DOK6: variants seen among roughly 807,000 people sequenced by gnomAD.
DOK6 encodes the protein downstream of tyrosine kinase 6.
DOK6 carries 22 observed loss-of-function variants against 44.0 expected under a neutral mutation model. That is an observed-to-expected ratio of 0.50 (90% CI 0.36 to 0.71). The LOEUF (loss-of-function observed/expected upper bound fraction) is 0.71. DOK6 is among the 30% of genes least tolerant of loss of function. The probability of loss-of-function intolerance (pLI) is 0.00; values close to 1 mark genes in which losing one functional copy is unlikely to be tolerated. For synonymous variants in DOK6, 166 were observed against 145.5 expected (o/e 1.14, Z -1.01); for missense variants, 340 against 416.4 (o/e 0.82, Z 1.60).
chr18:69,665,297 G>T (rs1985627689), intron 3 of DOK6, among the ~76,000 whole-genome samples: 1 of 152,170 alleles, frequency 6.6e-6, no homozygotes, highest in South Asian at 2.1e-4. Flanking sequence ...AGCCAGTCCA[G>T]ATGTGACTCT....
At chr18:69,697,375 A>C (rs138274498) in intron 4 of DOK6, among the ~76,000 whole-genome samples, 3 of 152,262 alleles carry the variant, frequency 2.0e-5, no homozygotes, top group African/African-American at 7.2e-5. Flanking sequence ...ATTAAATCCT[A>C]ACCCACAGAG....
intron 6 of DOK6, among the ~76,000 whole-genome samples, chr18:69,751,508 G>A (rs1979177271): frequency 6.6e-6 from 1 of 152,070 alleles, no homozygotes; most frequent in South Asian, 2.1e-4. Context: ...ATATAGAGCA[G>A]GAAATGCAGA....
intron 1 of DOK6, among the ~76,000 whole-genome samples, chr18:69,518,461 C>T (rs909608429): frequency 6.6e-6 from 1 of 152,050 alleles, no homozygotes; most frequent in African/African-American, 2.4e-5. Flanking sequence ...TAAGGAAATA[C>T]CTTGGTTACT....
At chr18:69,755,395 G>A (rs1465385910) in intron 6 of DOK6, among the ~76,000 whole-genome samples, 3 of 152,280 alleles carry the variant, frequency 2.0e-5, no homozygotes, top group South Asian at 2.1e-4. Context: ...TCTACTGTAT[G>A]CTGAGTAATA....
chr18:69,784,982 G>A (rs1980387127), intron 7 of DOK6, among the ~76,000 whole-genome samples: 1 of 152,152 alleles, frequency 6.6e-6, no homozygotes, highest in Non-Finnish European at 1.5e-5. Flanking sequence ...CAACACTTTA[G>A]ACTGAGAAGC....
chr18:69,476,446 TTGGAAGG>T lies in DOK6; in HGVS notation c.66+75137_66+75143del, dbSNP rs1286003981. Among the ~76,000 whole-genome samples, 256 of 152,320 alleles carry T rather than the reference TTGGAAGG, an allele frequency of 1.7e-3. 2 individuals are homozygous for T. Among genetic ancestry groups the T allele is most frequent in the East Asian group, 0.012 (64 of 5,184 alleles). On this transcript the variant is annotated intron_variant, in intron 1 of 7. Coordinates refer to ENST00000382713, the MANE Select transcript of DOK6 (RefSeq NM_152721.6). The stretch of plus-strand genomic sequence containing the variant: ...AGCGGAAGAGAAATCAGAGGGATTC[TTGGAAGG>T]CACGGGTAATCGTCACTTGATCAGT...
chr18:69,790,943 C>A (rs1214002472), intron 7 of DOK6, among the ~76,000 whole-genome samples: 1 of 133,986 alleles, frequency 7.5e-6, no homozygotes, highest in Non-Finnish European at 1.6e-5. Flanking sequence ...CCCTTCCCAT[C>A]CTCTAGTAAC....
intron 7 of DOK6, among the ~76,000 whole-genome samples, chr18:69,800,991 A>C (rs1178462514): frequency 6.6e-6 from 1 of 152,178 alleles, no homozygotes; most frequent in Non-Finnish European, 1.5e-5. Flanking sequence ...GGATAAAATG[A>C]ATTTTTTTAT....
chr18:69,784,639 A>G (rs1009881094), intron 7 of DOK6, among the ~76,000 whole-genome samples: 1 of 152,118 alleles, frequency 6.6e-6, no homozygotes, highest in Non-Finnish European at 1.5e-5. Flanking sequence ...CATCCAAAAA[A>G]ATTCATTAGT....
chr18:69,471,779 G>C (rs1279177537), intron 1 of DOK6: 4 of 152,114 alleles, frequency 2.6e-5, no homozygotes, highest in African/African-American at 2.4e-5. Context: ...ACTGTCACTT[G>C]CTCTATTCAA....
intron 1 of DOK6, among the ~76,000 whole-genome samples, chr18:69,447,643 T>C (rs2119959): frequency 0.5 from 75,414 of 151,920 alleles, 19,670 homozygotes; most frequent in East Asian, 0.72. Context: ...CTTCAGTGCT[T>C]AGCCAGGCCA....
At chr18:69,553,743 T>A (rs1033193872) in intron 1 of DOK6, among the ~76,000 whole-genome samples, 4 of 152,190 alleles carry the variant, frequency 2.6e-5, no homozygotes, top group Non-Finnish European at 4.4e-5. Flanking sequence ...CAGACTCCAA[T>A]TGAAAATCCA....
chr18:69,571,643 T>C (rs1215573669), intron 2 of DOK6, among the ~76,000 whole-genome samples: 1 of 152,036 alleles, frequency 6.6e-6, no homozygotes, highest in Non-Finnish European at 1.5e-5. Flanking sequence ...AAACAGGTTG[T>C]TTCATGATGA....
chr18:69,693,834 G>A (rs1036725337), intron 4 of DOK6, among the ~76,000 whole-genome samples: 1 of 151,160 alleles, frequency 6.6e-6, no homozygotes, highest in East Asian at 1.9e-4. Context: ...AGAGGCGGGC[G>A]GATCATGAGG....
At chr18:69,698,275 T>C in intron 4 of DOK6, 129 bp from the exon 5 acceptor site, 1 of 740,996 alleles carries the variant, frequency 1.3e-6, no homozygotes, top group South Asian at 2.1e-5. Context: ...CTACAATGTT[T>C]ATCCATATCA....
chr18:69,744,166 C>A (rs541866443), intron 6 of DOK6, among the ~76,000 whole-genome samples: 1 of 152,070 alleles, frequency 6.6e-6, no homozygotes, highest in South Asian at 2.1e-4. Flanking sequence ...CAAAAATTAG[C>A]TGGTGTGGTG....
In DOK6 at chr18:69,768,392, C is replaced by G. The variant is rs1026567229; in HGVS notation, c.856+10519C>G. ...ACCATATATGGCTTCTCATATACTT[C>G]CCTCAAACATGTATGTATTAGGCTA... On this transcript the variant is annotated intron_variant, in intron 7 of 7. Transcript: ENST00000382713. Among the ~76,000 whole-genome samples, 4 of 151,760 alleles carry G rather than the reference C, an allele frequency of 2.6e-5. No individual in the cohort carries two copies. The East Asian group carries it at 7.8e-4, about 30-fold the overall frequency.
At chr18:69,520,536 T>A (rs1344079134) in intron 1 of DOK6, among the ~76,000 whole-genome samples, 4 of 151,892 alleles carry the variant, frequency 2.6e-5, no homozygotes, top group African/African-American at 9.7e-5. Context: ...AAATTCAAAA[T>A]TTTTTGAGCA....
chr18:69,657,318 C>T (rs769731699), intron 3 of DOK6, among the ~76,000 whole-genome samples: 5 of 152,124 alleles, frequency 3.3e-5, no homozygotes, highest in East Asian at 3.9e-4. Flanking sequence ...AACAGTGACA[C>T]GTGCCACATA....
Sources: gnomAD v4.1 joint callset for allele counts (sites outside exome capture counted in the v4.1 genomes callset) on GRCh38, gnomAD v4.1.1 for gene constraint, MANE v1.5 for transcripts, NCBI Gene and HGNC (gene_info 2026-07-23, HGNC 2026-07-21) for gene names.